Variants in SLC7A2 observed in about 807,000 individuals in gnomAD.
SLC7A2 encodes solute carrier family 7 member 2, also known as cationic amino acid transporter 2.
A neutral mutation model predicts 58.9 loss-of-function variants in SLC7A2; 48 were observed. The observed-to-expected ratio is 0.82, with a 90% CI of 0.65 to 1.04. SLC7A2 has a LOEUF of 1.04. SLC7A2 is among the 50% of genes least tolerant of loss of function. SLC7A2 has a pLI of 0.00. For missense variants in SLC7A2, 1,029 were observed against 818.8 expected (o/e 1.26, Z -3.13); for synonymous variants, 363 against 314.5 (o/e 1.15, Z -1.63).
In SLC7A2 at chr8:17,551,669, C is replaced by G. The variant is rs924285272; in HGVS notation, c.833-95C>G. On this transcript the variant is annotated intron_variant, in intron 6 of 12. Transcript: ENST00000494857. Reference sequence around the variant, plus strand: ...GAAAAGGGACAAAAGCAGAGGAGAACTACCCTGGAGAAGAGGAAGAATTTC... The same window carrying G: ...GAAAAGGGACAAAAGCAGAGGAGAAGTACCCTGGAGAAGAGGAAGAATTTC... 5 of 893,146 alleles carry G rather than the reference C, an allele frequency of 5.6e-6. No homozygotes were observed. In the East Asian group the frequency reaches 1.2e-4, roughly 22 times the overall value. The allele number at this position is 893,146 out of a possible 1,614,324, so 55.3% of individuals were successfully genotyped here.
At chr8:17,558,471 C>A in intron 9 of SLC7A2, 74 bp downstream of exon 9, 2 of 909,800 alleles carry the variant, frequency 2.2e-6, no homozygotes, top group Non-Finnish European at 3.5e-6. Context: ...AGCCCTCACT[C>A]TCCTGGCTTC....
intron 4 of SLC7A2, among the ~76,000 whole-genome samples, chr8:17,546,366 A>G (rs563450819): frequency 6.6e-6 from 1 of 152,322 alleles, no homozygotes; most frequent in South Asian, 2.1e-4. Context: ...GAATCTCTGA[A>G]GATCAAAACC....
chr8:17,518,229 T>C (rs1452665626), intron 2 of SLC7A2, among the ~76,000 whole-genome samples: 1 of 151,882 alleles, frequency 6.6e-6, no homozygotes, highest in East Asian at 1.9e-4. Flanking sequence ...TTTTTTTTTT[T>C]TGCACAACAT....
chr8:17,560,419 T>A lies in SLC7A2; in HGVS notation c.1390T>A (p.Ser464Thr). 1 of 1,613,972 alleles carries A rather than the reference T, an allele frequency of 6.2e-7. No homozygotes were observed. Among genetic ancestry groups the A allele is most frequent in the Non-Finnish European group, 8.5e-7 (1 of 1,179,946 alleles). ...SSPRVTSKSE[S>T]QVTMLQRQGF... is the part of the protein sequence containing the mutation. ...TCCCAGGGTAACCTCGAAGAGTGAG[T>A]CCCAGGTCACCATGCTGCAGAGACA... The change falls in exon 10 of 13, where the codon TCC becomes ACC. Residue 464 changes from serine to threonine, a missense_variant. Ser to Thr is a moderately conservative substitution (Grantham distance 58). Coordinates refer to ENST00000494857, the MANE Select transcript of SLC7A2 (RefSeq NM_001370338.1).
intron 2 of SLC7A2, among the ~76,000 whole-genome samples, chr8:17,522,018 C>G (rs930386953): frequency 3.9e-5 from 6 of 152,094 alleles, no homozygotes; most frequent in African/African-American, 1.4e-4. Context: ...ACAGAGCCTC[C>G]TAGGTAAGAG....
rs1800192220 is a variant in SLC7A2 at position 17,502,319 on chromosome 8, A to G, written c.-23+17A>G. ...CCCTTACAGGTTAGTGCTGATTTCA[A>G]TCTTGGCTTGCACGTTGGAATGGAA... On this transcript the variant is annotated intron_variant, in intron 2 of 12. Coordinates refer to ENST00000494857, the MANE Select transcript of SLC7A2 (RefSeq NM_001370338.1). 1 of 152,138 alleles carries G rather than the reference A, an allele frequency of 6.6e-6. No homozygotes were observed. The highest frequency in any genetic ancestry group is 6.6e-5 in the Admixed American group (1 of 15,262). 9.4% of individuals were successfully genotyped at this position (152,138 alleles called of 1,614,324 possible).
In SLC7A2 at chr8:17,543,485, G is replaced by T; in HGVS notation, c.146G>T (p.Gly49Val). The T allele has an allele frequency of 6.2e-7, 1 of 1,614,126 alleles. No individual in the cohort carries two copies. The highest frequency in any genetic ancestry group is 2.2e-5 in the East Asian group (1 of 44,876). ...LIALGVGSTLGAGVYVLAGEV... is the reference protein window; with the variant it reads ...LIALGVGSTLVAGVYVLAGEV... ...GCCCTGGGCGTTGGAAGCACCCTTG[G>T]GGCCGGGGTTTATGTCCTCGCTGGG... Residue 49 changes from glycine to valine, a missense_variant, in exon 3 of 13, where the codon GGG (glycine) becomes GTG (valine). Transcript: ENST00000494857.
At position 17,569,397 on chromosome 8, in the gene SLC7A2, T is replaced by A; in HGVS notation, c.*4251T>A. On this transcript the variant is annotated 3_prime_UTR_variant, in exon 13 of 13. Transcript: ENST00000494857. ...GCCTTCTCTGCACACTTTACTTGTTTATAAAGTTCTCCCACATGTCCTTAA... is the reference window on the plus strand; with the variant it reads ...GCCTTCTCTGCACACTTTACTTGTTAATAAAGTTCTCCCACATGTCCTTAA... 1 of 152,224 alleles carries A rather than the reference T, an allele frequency of 6.6e-6. No homozygotes were observed. The highest frequency in any genetic ancestry group is 1.5e-5 in the Non-Finnish European group (1 of 68,034). The allele number at this position is 152,224 out of a possible 1,614,324, so 9.4% of individuals were successfully genotyped here. A position where few individuals can be genotyped will look rare whatever the true frequency, so the allele number is the denominator to read the frequency against.
intron 2 of SLC7A2, among the ~76,000 whole-genome samples, chr8:17,512,908 A>T (rs896062178): frequency 6.6e-6 from 1 of 152,054 alleles, no homozygotes; most frequent in Non-Finnish European, 1.5e-5. Context: ...TTGTGGCTGG[A>T]TTATTTCACT....
intron 2 of SLC7A2, among the ~76,000 whole-genome samples, chr8:17,533,299 C>T (rs997832594): frequency 6.6e-6 from 1 of 152,160 alleles, no homozygotes; most frequent in Non-Finnish European, 1.5e-5. Context: ...ACGTGTTTTT[C>T]AGAATTCAAA....
intron 10 of SLC7A2, 136 bp downstream of exon 10, chr8:17,560,669 AG>A: frequency 1.5e-6 from 1 of 680,214 alleles, no homozygotes; most frequent in Non-Finnish European, 2.6e-6. Context: ...TTTCACCTAA[AG>A]CATCACCAGT....
intron 7 of SLC7A2, 111 bp from the exon 8 acceptor site, chr8:17,554,449 C>A: frequency 1.2e-6 from 1 of 829,142 alleles, no homozygotes; most frequent in Non-Finnish European, 1.7e-6. Flanking sequence ...AATAATATGA[C>A]TTCATAATTA....
intron 2 of SLC7A2, among the ~76,000 whole-genome samples, chr8:17,535,155 C>A (rs1436796011): frequency 6.6e-6 from 1 of 152,180 alleles, no homozygotes; most frequent in Non-Finnish European, 1.5e-5. Context: ...AAGCTCCTTG[C>A]ATGGCCTAGG....
At chr8:17,514,846 T>C (rs1014375570) in intron 2 of SLC7A2, among the ~76,000 whole-genome samples, 3 of 152,238 alleles carry the variant, frequency 2.0e-5, no homozygotes, top group African/African-American at 7.2e-5. Context: ...TAAGTTTTAC[T>C]GAAATGAGAA....
At chr8:17,554,318 A>T (rs962496170) in intron 7 of SLC7A2, among the ~76,000 whole-genome samples, 1 of 152,164 alleles carries the variant, frequency 6.6e-6, no homozygotes, top group African/African-American at 2.4e-5. Context: ...TTTTAGTCTG[A>T]TAATTTTGCT....
At chr8:17,511,713 AT>A (rs1430041913) in intron 2 of SLC7A2, among the ~76,000 whole-genome samples, 1 of 152,224 alleles carries the variant, frequency 6.6e-6, no homozygotes, top group Non-Finnish European at 1.5e-5. Context: ...GATAATAATC[AT>A]TTTATAATTA....
upstream of SLC7A2, chr8:17,496,988 G>A (rs1799975935): frequency 6.7e-6 from 1 of 149,854 alleles, no homozygotes; most frequent in Non-Finnish European, 1.5e-5. Flanking sequence ...AGGCGGGCTC[G>A]GGGTCGCGTT....
intron 1 of SLC7A2, 104 bp from the exon 2 acceptor site, chr8:17,502,153 A>T (rs145718271): frequency 2.0e-5 from 3 of 151,712 alleles, no homozygotes; most frequent in African/African-American, 7.2e-5. Context: ...TCTGTGGCTA[A>T]GGTGAGAGGA....
chr8:17,513,999 C>T (rs1457162573), intron 2 of SLC7A2, among the ~76,000 whole-genome samples: 1 of 152,124 alleles, frequency 6.6e-6, no homozygotes, highest in African/African-American at 2.4e-5. Flanking sequence ...TAAAAATAAT[C>T]TGGGTAAATT....
Sources: allele counts gnomAD v4.1 joint callset (sites outside exome capture counted in the v4.1 genomes callset), GRCh38; gene constraint gnomAD v4.1.1; transcripts MANE v1.5; gene names NCBI Gene and HGNC (gene_info 2026-07-23, HGNC 2026-07-21).